The following FAM227B variants were observed in gnomAD, a reference collection of about 807,000 sequenced individuals.
FAM227B encodes protein FAM227B.
A neutral mutation model predicts 73.8 loss-of-function variants in FAM227B; 88 were observed. The ratio of observed to expected loss-of-function variants is 1.19; its 90% CI spans 1.00 to 1.42. The LOEUF is 1.42. Ranked by LOEUF, FAM227B falls within the 40% of genes most tolerant of loss-of-function variation. The pLI is 0.00. For synonymous variants in FAM227B, 210 were observed against 190.5 expected, an observed-to-expected ratio of 1.10 and a Z score of -0.84; for missense variants, 632 against 590.9, an observed-to-expected ratio of 1.07 and a Z score of -0.72.
At chr15:49,550,201 C>A (rs1279924725) in intron 9 of FAM227B, among the ~76,000 whole-genome samples, 1 of 143,322 alleles carries the variant, frequency 7.0e-6, no homozygotes, top group African/African-American at 2.6e-5. Flanking sequence ...GCTGGCCGGG[C>A]GGGGGGCTGA....
chr15:49,532,925 G>A (rs527870968), intron 10 of FAM227B, among the ~76,000 whole-genome samples: 5 of 151,930 alleles, frequency 3.3e-5, no homozygotes, highest in African/African-American at 1.2e-4. Flanking sequence ...GCTAGCATAT[G>A]GCCACTTGTA....
At chr15:49,513,790 G>A (rs1452955631) in intron 10 of FAM227B, among the ~76,000 whole-genome samples, 1 of 152,078 alleles carries the variant, frequency 6.6e-6, no homozygotes, top group Non-Finnish European at 1.5e-5. Context: ...TATAAGGAAG[G>A]GGTCCAGTTT....
intron 11 of FAM227B, among the ~76,000 whole-genome samples, chr15:49,468,323 T>A (rs1030028942): frequency 2.6e-5 from 4 of 152,216 alleles, no homozygotes; most frequent in Non-Finnish European, 5.9e-5. Context: ...TATGCAATCA[T>A]GTGGAACTAT....
At chr15:49,341,237 TGGCTATTTG>T (rs1221614706) in intron 13 of FAM227B, among the ~76,000 whole-genome samples, 1 of 152,188 alleles carries the variant, frequency 6.6e-6, no homozygotes, top group East Asian at 1.9e-4. Flanking sequence ...GGATTTTTTT[TGGCTATTTG>T]GGCTGTTTTG....
chr15:49,481,097 G>A (rs2055902017), intron 11 of FAM227B, among the ~76,000 whole-genome samples: 1 of 152,138 alleles, frequency 6.6e-6, no homozygotes, highest in African/African-American at 2.4e-5. Context: ...GGAATGGCAG[G>A]AGTAAAGAGA....
At chr15:49,334,185 CT>C in intron 14 of FAM227B, 2 of 885,652 alleles carry the variant, frequency 2.3e-6, no homozygotes, top group South Asian at 1.0e-4. Context: ...TAAAGATGAT[CT>C]TAAGCACTAC....
intron 13 of FAM227B, among the ~76,000 whole-genome samples, chr15:49,362,541 G>C (rs943405422): frequency 6.6e-6 from 1 of 152,122 alleles, no homozygotes; most frequent in African/African-American, 2.4e-5. Flanking sequence ...CACATGCATA[G>C]TTTGCAAATA....
chr15:49,455,834 T>A (rs1280194932), intron 11 of FAM227B, among the ~76,000 whole-genome samples: 1 of 152,138 alleles, frequency 6.6e-6, no homozygotes, highest in East Asian at 1.9e-4. Context: ...TATTGGGTAT[T>A]ATTGAACCAT....
At chr15:49,551,268 AGAGGG>A in intron 9 of FAM227B, among the ~76,000 whole-genome samples, 1 of 151,674 alleles carries the variant, frequency 6.6e-6, no homozygotes, top group African/African-American at 2.4e-5. Context: ...AGGGAGAGGG[AGAGGG>A]AGAGGGAGAG....
At chr15:49,577,272 G>A (rs2075514869) in intron 6 of FAM227B, 3 of 351,634 alleles carry the variant, frequency 8.5e-6, no homozygotes, top group South Asian at 4.6e-5. Context: ...ACTCCAGCCT[G>A]GGCCACAGAG....
intron 5 of FAM227B, among the ~76,000 whole-genome samples, chr15:49,577,973 T>C (rs183521801): frequency 5.1e-4 from 78 of 152,350 alleles, no homozygotes; most frequent in African/African-American, 1.6e-3. Flanking sequence ...TGGGGAAGTT[T>C]AGTGTTCAGA....
chr15:49,571,262 C>CAGAT (rs1183858572), intron 8 of FAM227B, among the ~76,000 whole-genome samples: 1 of 151,882 alleles, frequency 6.6e-6, no homozygotes, highest in Non-Finnish European at 1.5e-5. Flanking sequence ...AACCCCTTAT[C>CAGAT]AGATGTATGG....
intron 8 of FAM227B, among the ~76,000 whole-genome samples, chr15:49,571,501 C>A (rs1326320611): frequency 6.6e-6 from 1 of 151,826 alleles, no homozygotes; most frequent in Non-Finnish European, 1.5e-5. Flanking sequence ...ATATTTAAGT[C>A]TTTAATTCAT....
chr15:49,446,149 C>A (rs1436328052), intron 11 of FAM227B, among the ~76,000 whole-genome samples: 1 of 151,456 alleles, frequency 6.6e-6, no homozygotes, highest in Non-Finnish European at 1.5e-5. Context: ...AGGCTGACAA[C>A]AATTTTCATT....
Position 49,513,484 on chromosome 15 carries a change from G to A in FAM227B, c.875-5136C>T, listed in dbSNP as rs200504033. ...TCTTGTAAATTTGTTTAAGTTCCTT[G>A]TACATTCTGGATATTAAACCTTTGT... On this transcript the variant is annotated intron_variant, in intron 10 of 15. Coordinates refer to ENST00000299338, the MANE Select transcript of FAM227B (RefSeq NM_152647.3). Among the ~76,000 whole-genome samples, 17 of 152,150 alleles carry A rather than the reference G, an allele frequency of 1.1e-4. No homozygotes were observed. In the East Asian group the frequency reaches 3.1e-3, roughly 28 times the overall value.
intron 11 of FAM227B, among the ~76,000 whole-genome samples, chr15:49,417,931 G>T (rs2049329910): frequency 2.0e-5 from 3 of 152,100 alleles, no homozygotes; most frequent in Admixed American, 6.6e-5. Flanking sequence ...ATCTGACAAA[G>T]ATTTAACATC....
chr15:49,547,950 A>G (rs2072192261), intron 9 of FAM227B, among the ~76,000 whole-genome samples: 1 of 152,246 alleles, frequency 6.6e-6, no homozygotes, highest in South Asian at 2.1e-4. Flanking sequence ...TAATGGACAT[A>G]AATTATGCCC....
At chr15:49,425,922 G>T (rs753189404) in intron 11 of FAM227B, among the ~76,000 whole-genome samples, 24 of 151,172 alleles carry the variant, frequency 1.6e-4, no homozygotes, top group Non-Finnish European at 2.8e-4. Context: ...AAATTTTTTT[G>T]ATATCTACTT....
At chr15:49,603,733 G>C (rs1047176588) in intron 3 of FAM227B, among the ~76,000 whole-genome samples, 3 of 152,242 alleles carry the variant, frequency 2.0e-5, no homozygotes, top group African/African-American at 7.2e-5. Flanking sequence ...TTGTGTTCCT[G>C]ATCTTACAGG....
Sources: allele counts gnomAD v4.1 joint callset (sites outside exome capture counted in the v4.1 genomes callset), GRCh38; gene constraint gnomAD v4.1.1; transcripts MANE v1.5; gene names NCBI Gene and HGNC (gene_info 2026-07-23, HGNC 2026-07-21).